PDE7B: variants seen among roughly 807,000 people sequenced by gnomAD.
The protein encoded by PDE7B is 3',5'-cyclic-AMP phosphodiesterase 7B.
PDE7B carries 29 observed loss-of-function variants against 56.2 expected under a neutral mutation model. The observed-to-expected ratio is 0.52, with a 90% CI of 0.38 to 0.70. The LOEUF is 0.70. PDE7B is among the 30% of genes least tolerant of loss of function. PDE7B has a pLI of 0.00. For missense variants in PDE7B, 490 were observed against 565.0 expected, an observed-to-expected ratio of 0.87 and a Z score of 1.35; for synonymous variants, 197 against 196.9, an observed-to-expected ratio of 1.00 and a Z score of 0.00.
At chr6:135,935,003 AT>A (rs1458064691) in intron 1 of PDE7B, among the ~76,000 whole-genome samples, 5 of 49,026 alleles carry the variant, frequency 1.0e-4, no homozygotes, top group South Asian at 1.5e-3. Context: ...TGAAGTATAT[AT>A]TTATATATAA....
At chr6:136,119,414 G>C (rs771143326) in intron 3 of PDE7B, among the ~76,000 whole-genome samples, 5 of 151,836 alleles carry the variant, frequency 3.3e-5, no homozygotes, top group African/African-American at 1.2e-4. Context: ...TTCAATGTCC[G>C]CCAGAAAAAG....
intron 2 of PDE7B, among the ~76,000 whole-genome samples, chr6:135,961,095 T>A (rs1396065414): frequency 6.6e-6 from 1 of 152,174 alleles, no homozygotes; most frequent in Admixed American, 6.5e-5. Context: ...CCCCAATACC[T>A]AACATATTTG....
chr6:135,914,731 C>T (rs1220780359), intron 1 of PDE7B, among the ~76,000 whole-genome samples: 5 of 44,964 alleles, frequency 1.1e-4, no homozygotes, highest in Non-Finnish European at 1.8e-4. Flanking sequence ...CCTCGTGATC[C>T]GCCCGCCTCG....
intron 6 of PDE7B, among the ~76,000 whole-genome samples, chr6:136,153,684 C>A (rs1252444245): frequency 6.6e-6 from 1 of 152,100 alleles, no homozygotes; most frequent in Non-Finnish European, 1.5e-5. Context: ...TTGAAGGAAA[C>A]CTCATTTGTG....
chr6:135,951,542 G>A (rs1464785322), intron 2 of PDE7B, among the ~76,000 whole-genome samples: 2 of 152,130 alleles, frequency 1.3e-5, no homozygotes, highest in African/African-American at 2.4e-5. Context: ...TGTGAACCTT[G>A]CTCTGTGAAA....
chr6:136,105,608 TA>T (rs1233669255), intron 2 of PDE7B, among the ~76,000 whole-genome samples: 1 of 152,212 alleles, frequency 6.6e-6, no homozygotes, highest in African/African-American at 2.4e-5. Flanking sequence ...TCACATACCT[TA>T]TAATTTCCTT....
At chr6:136,063,356 G>A (rs1776875809) in intron 2 of PDE7B, among the ~76,000 whole-genome samples, 1 of 152,114 alleles carries the variant, frequency 6.6e-6, no homozygotes, top group East Asian at 1.9e-4. Context: ...GATATCTTGA[G>A]GTTAAAAGTA....
intron 1 of PDE7B, among the ~76,000 whole-genome samples, chr6:135,870,544 A>G (rs1333454697): frequency 2.0e-5 from 3 of 151,626 alleles, no homozygotes; most frequent in East Asian, 3.9e-4. Flanking sequence ...ACAAGTACAT[A>G]TCACCTAAAT....
At position 136,189,291 on chromosome 6, in the gene PDE7B, G is replaced by A. The variant is rs551780703; in HGVS notation, c.1126+2175G>A. Among the ~76,000 whole-genome samples the A allele has an allele frequency of 7.9e-5, 12 of 152,266 alleles. No individual in the cohort carries two copies. The East Asian group carries it at 2.1e-3, about 27-fold the overall frequency. On this transcript the variant is annotated intron_variant, in intron 12 of 12. Coordinates refer to ENST00000308191, the MANE Select transcript of PDE7B (RefSeq NM_018945.4). ...TTAAAAGGAAGATATTAGCCAGGCG[G>A]GGTGACTCATGCCTATAATCCCAGC...
intron 2 of PDE7B, chr6:136,043,888 A>G (rs1325714360): frequency 1.3e-5 from 2 of 152,208 alleles, no homozygotes; most frequent in African/African-American, 2.4e-5. Context: ...TCTAGTGTCT[A>G]CAGAGAAAAT....
intron 1 of PDE7B, among the ~76,000 whole-genome samples, chr6:135,912,441 C>G (rs1447224487): frequency 6.6e-6 from 1 of 152,022 alleles, no homozygotes; most frequent in Non-Finnish European, 1.5e-5. Flanking sequence ...AGATTATATG[C>G]AAATACTATG....
chr6:136,009,646 A>G (rs113854234), intron 2 of PDE7B, among the ~76,000 whole-genome samples: 3,127 of 152,154 alleles, frequency 0.021, 116 homozygotes, highest in African/African-American at 0.07. Flanking sequence ...TCTGTTATTG[A>G]TGTATAAGAA....
intron 1 of PDE7B, among the ~76,000 whole-genome samples, chr6:135,865,793 T>C (rs1187457725): frequency 2.0e-5 from 3 of 152,196 alleles, no homozygotes; most frequent in African/African-American, 7.2e-5. Context: ...TGATTTCACA[T>C]TGAATTAATA....
intron 1 of PDE7B, among the ~76,000 whole-genome samples, chr6:135,854,374 T>A (rs1774987824): frequency 6.6e-6 from 1 of 152,198 alleles, no homozygotes; most frequent in South Asian, 2.1e-4. Flanking sequence ...GTAGTCTAAG[T>A]AGTTGACCTC....
intron 3 of PDE7B, among the ~76,000 whole-genome samples, chr6:136,131,969 A>G (rs1583898314): frequency 6.6e-6 from 1 of 152,204 alleles, no homozygotes; most frequent in Admixed American, 6.5e-5. Context: ...GTATTTATGA[A>G]TTACACGGTT....
chr6:136,154,182 C>A lies in PDE7B; in HGVS notation c.579+7C>A, dbSNP rs199902302. 3 of 1,591,810 alleles carry A rather than the reference C, an allele frequency of 1.9e-6. No individual in the cohort carries two copies. In the African/African-American group the frequency reaches 4.0e-5, roughly 21 times the overall value. The stretch of plus-strand genomic sequence containing the variant: ...CTACCTGAAAGAGCCAAAGGTAAGA[C>A]AAGACCCAGCTGCCTCCTCAGCCAC... On this transcript the variant is annotated splice_region_variant and intron_variant, in intron 7 of 12. Transcript: ENST00000308191.
intron 2 of PDE7B, among the ~76,000 whole-genome samples, chr6:136,002,727 C>T (rs1053246684): frequency 2.0e-5 from 3 of 152,188 alleles, no homozygotes; most frequent in Non-Finnish European, 4.4e-5. Context: ...TACAAAGAGA[C>T]TTAGACTCCC....
chr6:135,909,649 G>T (rs1776177304), intron 1 of PDE7B, among the ~76,000 whole-genome samples: 1 of 151,870 alleles, frequency 6.6e-6, no homozygotes, highest in South Asian at 2.1e-4. Flanking sequence ...TATTCTCTTT[G>T]TATGATAGTT....
At chr6:136,110,344 T>C (rs1777722868) in intron 3 of PDE7B, among the ~76,000 whole-genome samples, 1 of 152,138 alleles carries the variant, frequency 6.6e-6, no homozygotes, top group Admixed American at 6.5e-5. Flanking sequence ...TTTGACAGTC[T>C]CTAGACTGAG....
Sources: allele counts gnomAD v4.1 joint callset (sites outside exome capture counted in the v4.1 genomes callset), GRCh38; gene constraint gnomAD v4.1.1; transcripts MANE v1.5; gene names NCBI Gene and HGNC (gene_info 2026-07-23, HGNC 2026-07-21).